Variants in LRRC8D observed in about 807,000 individuals in gnomAD.
LRRC8D encodes volume-regulated anion channel subunit LRRC8D.
A neutral mutation model predicts 55.8 loss-of-function variants in LRRC8D; 20 were observed. That is an observed-to-expected ratio of 0.36 (90% CI 0.25 to 0.52). LRRC8D has a LOEUF of 0.52. Ranked by LOEUF, LRRC8D falls within the 20% of genes least tolerant of loss-of-function variation. LRRC8D has a pLI of 0.93. For missense variants in LRRC8D, 651 were observed against 1,030.8 expected, an observed-to-expected ratio of 0.63 and a Z score of 5.05; for synonymous variants, 352 against 377.0, an observed-to-expected ratio of 0.93 and a Z score of 0.77.
chr1:89,827,797 C>T (rs192604565), intron 1 of LRRC8D, among the ~76,000 whole-genome samples: 62 of 152,268 alleles, frequency 4.1e-4, no homozygotes, highest in Non-Finnish European at 6.2e-4. Flanking sequence ...GTGCCTTGCA[C>T]GTGGCAGGCC....
intron 2 of LRRC8D, among the ~76,000 whole-genome samples, chr1:89,861,432 C>A (rs1051031057): frequency 4.6e-5 from 7 of 152,068 alleles, no homozygotes; most frequent in African/African-American, 1.4e-4. Flanking sequence ...TTTCTTTCTT[C>A]TTTTCTTACT....
intron 2 of LRRC8D, among the ~76,000 whole-genome samples, chr1:89,874,927 G>C (rs921038935): frequency 6.6e-6 from 1 of 152,122 alleles, no homozygotes; most frequent in South Asian, 2.1e-4. Context: ...CATTGCAGTA[G>C]TTCCTATACA....
At chr1:89,858,506 A>C (rs58959347) in intron 2 of LRRC8D, among the ~76,000 whole-genome samples, 2,142 of 152,302 alleles carry the variant, frequency 0.014, 54 homozygotes, top group African/African-American at 0.05. Context: ...ACCAAACCCC[A>C]ATTAAGGTTT....
intron 2 of LRRC8D, among the ~76,000 whole-genome samples, chr1:89,898,130 A>G (rs772900042): frequency 4.6e-5 from 7 of 152,190 alleles, no homozygotes; most frequent in Non-Finnish European, 8.8e-5. Context: ...GGTTCCTAAA[A>G]CTTTTAAAAC....
chr1:89,920,701 A>G (rs1047898776), intron 2 of LRRC8D, among the ~76,000 whole-genome samples: 1 of 143,970 alleles, frequency 6.9e-6, no homozygotes, highest in African/African-American at 2.9e-5. Context: ...TATTGGGAAA[A>G]AAAAAAAAAA....
chr1:89,822,825 C>T (rs1422891137), intron 1 of LRRC8D, among the ~76,000 whole-genome samples: 4 of 152,224 alleles, frequency 2.6e-5, no homozygotes, highest in Non-Finnish European at 4.4e-5. Context: ...AGTGACCAAA[C>T]ACCTACTGTC....
chr1:89,889,710 C>T (rs1403807808), intron 2 of LRRC8D, among the ~76,000 whole-genome samples: 2 of 151,130 alleles, frequency 1.3e-5, no homozygotes, highest in Admixed American at 6.6e-5. Context: ...GGTGAAACCC[C>T]GTCTCTACTA....
At chr1:89,899,897 T>C (rs1447503735) in intron 2 of LRRC8D, among the ~76,000 whole-genome samples, 1 of 152,224 alleles carries the variant, frequency 6.6e-6, no homozygotes, top group Non-Finnish European at 1.5e-5. Flanking sequence ...AGCTAAAGAA[T>C]ATGTGTGATA....
At chr1:89,827,165 A>G (rs1199299389) in intron 1 of LRRC8D, among the ~76,000 whole-genome samples, 1 of 152,042 alleles carries the variant, frequency 6.6e-6, no homozygotes, top group Non-Finnish European at 1.5e-5. Context: ...AGCCTGGCCA[A>G]CCTGGTGAAA....
In LRRC8D at chr1:89,935,498, G is replaced by A; in HGVS notation, c.2430G>A (p.Leu810=). Residue 810 remains leucine, a synonymous_variant, in exon 3 of 3, where the codon TTG becomes TTA. Coordinates refer to ENST00000337338, the MANE Select transcript of LRRC8D (RefSeq NM_001134479.2). ...LTQLELKGNC[L]DRLPAQLGQC... ...AGCTGGAGCTGAAGGGGAACTGCTT[G>A]GACCGCCTGCCAGCCCAGCTGGGCC... 1 of 1,614,248 alleles carries A rather than the reference G, an allele frequency of 6.2e-7. No individual in the cohort carries two copies. Among genetic ancestry groups the A allele is most frequent in the African/African-American group, 1.3e-5 (1 of 75,076 alleles).
At position 89,935,528 on chromosome 1, in the gene LRRC8D, T is replaced by C. The variant is rs1388283171; in HGVS notation, c.2460T>C (p.Cys820=). 6 of 1,614,202 alleles carry C rather than the reference T, an allele frequency of 3.7e-6. No individual in the cohort carries two copies. In the Admixed American group the frequency reaches 8.3e-5, roughly 22 times the overall value. Residue 820 remains cysteine (C), a synonymous_variant, in exon 3 of 3, where the codon TGT becomes TGC. Coordinates refer to ENST00000337338, the MANE Select transcript of LRRC8D (RefSeq NM_001134479.2). The part of the protein sequence containing the change: ...LDRLPAQLGQ[C]RMLKKSGLVV... ...GCCTGCCAGCCCAGCTGGGCCAGTG[T>C]CGGATGCTCAAGAAAAGCGGGCTTG...
At chr1:89,924,901 CAG>C (rs767001670) in intron 2 of LRRC8D, among the ~76,000 whole-genome samples, 7 of 152,104 alleles carry the variant, frequency 4.6e-5, no homozygotes, top group Non-Finnish European at 1.0e-4. Context: ...ACAATAGACA[CAG>C]GGGCCTGCTT....
At chr1:89,891,651 C>G (rs1327075615) in intron 2 of LRRC8D, among the ~76,000 whole-genome samples, 2 of 152,178 alleles carry the variant, frequency 1.3e-5, no homozygotes, top group Admixed American at 1.3e-4. Context: ...TAAGAAAGAG[C>G]TGTCAAGGTG....
At chr1:89,873,313 A>AG (rs1662068213) in intron 2 of LRRC8D, among the ~76,000 whole-genome samples, 1 of 152,246 alleles carries the variant, frequency 6.6e-6, no homozygotes, top group African/African-American at 2.4e-5. Flanking sequence ...GAATGCTGGG[A>AG]GAAAAAATAT....
At chr1:89,873,662 TATC>T (rs1448681573) in intron 2 of LRRC8D, among the ~76,000 whole-genome samples, 1 of 152,226 alleles carries the variant, frequency 6.6e-6, no homozygotes, top group Non-Finnish European at 1.5e-5. Flanking sequence ...GATTGAAAAC[TATC>T]ATATTTTATT....
At chr1:89,828,298 G>C (rs1378787727) in intron 1 of LRRC8D, among the ~76,000 whole-genome samples, 6 of 152,202 alleles carry the variant, frequency 3.9e-5, no homozygotes, top group Non-Finnish European at 7.3e-5. Context: ...GATGGATGAT[G>C]GGACCAACTC....
intron 2 of LRRC8D, among the ~76,000 whole-genome samples, chr1:89,869,107 A>G (rs898266058): frequency 6.6e-6 from 1 of 152,026 alleles, no homozygotes; most frequent in African/African-American, 2.4e-5. Context: ...GGGTTTCGCT[A>G]TGTTGGCCAG....
intron 2 of LRRC8D, among the ~76,000 whole-genome samples, chr1:89,923,415 G>A (rs780310546): frequency 7.2e-5 from 11 of 152,132 alleles, no homozygotes; most frequent in Non-Finnish European, 1.6e-4. Flanking sequence ...TCAAGATATG[G>A]ATAGGATGCA....
In LRRC8D at chr1:89,892,745, C is replaced by T. The variant is rs146658803; in HGVS notation, c.-2-40322C>T. Among the ~76,000 whole-genome samples the T allele has an allele frequency of 8.5e-3, 1,298 of 152,278 alleles. 21 individuals carry two copies. The highest frequency in any genetic ancestry group is 0.029 in the African/African-American group (1,226 of 41,564). ...CTGTGTTAGCCAGGATGGTCTCGAT[C>T]TTCTGACCTCATGATCCACCCACCT... On this transcript the variant is annotated intron_variant, in intron 2 of 2. Transcript: ENST00000337338.
Sources: allele counts gnomAD v4.1 joint callset (sites outside exome capture counted in the v4.1 genomes callset), GRCh38; gene constraint gnomAD v4.1.1; transcripts MANE v1.5; gene names NCBI Gene and HGNC (gene_info 2026-07-23, HGNC 2026-07-21).